The following NCBP1 variants were observed in gnomAD, a reference collection of about 807,000 sequenced individuals.
The protein encoded by NCBP1 is nuclear cap-binding protein subunit 1.
NCBP1 carries 16 observed loss-of-function variants against 111.7 expected under a neutral mutation model. That is an observed-to-expected ratio of 0.14 (90% confidence interval 0.10 to 0.22). The LOEUF (loss-of-function observed/expected upper bound fraction) is 0.22, where lower values mean the gene tolerates loss of function less well. Among genes scored for constraint, NCBP1 ranks in the 10% least tolerant of loss-of-function variants. The pLI is 1.00. For synonymous variants in NCBP1, 304 were observed against 314.3 expected (o/e 0.97, Z 0.35); for missense variants, 607 against 957.5 (o/e 0.63, Z 4.83).
chr9:97,670,990 C>G, intron 22 of NCBP1, 96 bp from the exon 23 acceptor site: 1 of 686,212 alleles, frequency 1.5e-6, no homozygotes. Context: ...CTCTTTTCAT[C>G]ATTCTGCAGC....
In NCBP1 at chr9:97,643,234, T is replaced by G; in HGVS notation, c.255T>G (p.Ile85Met). The change falls in exon 4 of 23, where the codon ATT (isoleucine) becomes ATG (methionine). Residue 85 changes from isoleucine to methionine, a missense_variant. Physicochemically the swap from Ile to Met is conservative, Grantham distance 10. Around this residue, in one of 9 missense-constraint regions of NCBP1, gnomAD observed 185 missense variants for 272.0 expected, o/e 0.68. Coordinates refer to ENST00000375147, the MANE Select transcript of NCBP1 (RefSeq NM_002486.5). Reference protein sequence around the residue: ...VARLLPEKLTIYTTLVGLLNA... With the variant: ...VARLLPEKLTMYTTLVGLLNA... ...GCCTATTACCTGAGAAGCTGACAAT[T>G]TATACAACATTAGTTGGACTACTGA... is the stretch of plus-strand genomic sequence containing the variant. 1 of 1,609,064 alleles carries G rather than the reference T, an allele frequency of 6.2e-7. No homozygotes were observed.
chr9:97,657,885 GCTCTCTCT>G (rs3052096), intron 14 of NCBP1, among the ~76,000 whole-genome samples: 1 of 114,016 alleles, frequency 8.8e-6, no homozygotes, highest in East Asian at 2.7e-4. Context: ...GCCCCGGTAA[GCTCTCTCT>G]CTCTCTCTCT....
Position 97,637,026 on chromosome 9 carries a change from G to T in NCBP1, c.34+3111G>T, listed in dbSNP as rs929129884. On this transcript the variant is annotated intron_variant, in intron 1 of 22. Transcript: ENST00000375147. ...GGCACAAAAGCCTGAAGACTATAGG[G>T]TTCCTGTCATGTTAACAGAAGAGCA... 3.3e-5 allele frequency among the ~76,000 whole-genome samples: 5 copies of T among 152,252 alleles called. 1 individual carries two copies. The East Asian group carries it at 9.6e-4, about 29-fold the overall frequency.
At chr9:97,645,006 C>A in intron 4 of NCBP1, 111 bp from the exon 5 acceptor site, 1 of 740,686 alleles carries the variant, frequency 1.4e-6, no homozygotes, top group African/African-American at 1.8e-5. Context: ...TAGATTCAGC[C>A]CTTAGGCTAT....
chr9:97,662,028 A>G lies in NCBP1; in HGVS notation c.1601-14A>G. The G allele has an allele frequency of 6.3e-7, 1 of 1,592,674 alleles. No individual in the cohort carries two copies. Among genetic ancestry groups the G allele is most frequent in the Non-Finnish European group, 8.6e-7 (1 of 1,161,254 alleles). The stretch of plus-strand genomic sequence containing the variant: ...TGCTTACATTTTTCTGTTTTACTAT[A>G]AAATATTTTTCAGATGAAGGATTCA... On this transcript the variant is annotated splice_polypyrimidine_tract_variant and intron_variant, in intron 16 of 22. Coordinates refer to ENST00000375147, the MANE Select transcript of NCBP1 (RefSeq NM_002486.5).
At chr9:97,647,662 G>A in intron 7 of NCBP1, 101 bp downstream of exon 7, 2 of 1,009,280 alleles carry the variant, frequency 2.0e-6, no homozygotes, top group Non-Finnish European at 3.0e-6. Flanking sequence ...CCCTTTGACT[G>A]TGTTTCTACA....
chr9:97,634,937 A>C (rs1364218765), intron 1 of NCBP1, among the ~76,000 whole-genome samples: 1 of 152,210 alleles, frequency 6.6e-6, no homozygotes, highest in Non-Finnish European at 1.5e-5. Context: ...GTTTTTGTGA[A>C]GGTTAAATGA....
intron 1 of NCBP1, among the ~76,000 whole-genome samples, chr9:97,636,288 C>T (rs1469812636): frequency 6.6e-6 from 1 of 151,600 alleles, no homozygotes; most frequent in African/African-American, 2.4e-5. Flanking sequence ...ATCTTAGAAG[C>T]TTAAGGATTA....
chr9:97,669,922 C>T, intron 22 of NCBP1: 1 of 581,990 alleles, frequency 1.7e-6, no homozygotes, highest in Non-Finnish European at 3.1e-6. Flanking sequence ...CCAACAACCC[C>T]CCGCCCCACC....
intron 13 of NCBP1, 104 bp from the exon 14 acceptor site, chr9:97,655,905 CTT>C (rs780688785): frequency 7.4e-7 from 1 of 1,349,818 alleles, no homozygotes; most frequent in Non-Finnish European, 1.0e-6. Flanking sequence ...GCAATTATAA[CTT>C]AACAAAACTT....
intron 5 of NCBP1, 111 bp downstream of exon 5, chr9:97,645,335 A>G: frequency 1.1e-6 from 1 of 888,132 alleles, no homozygotes; most frequent in Non-Finnish European, 1.8e-6. Flanking sequence ...AGCAATAAAG[A>G]AAAAAATAAC....
chr9:97,655,391 A>C (rs573686312), intron 12 of NCBP1, among the ~76,000 whole-genome samples: 1 of 149,808 alleles, frequency 6.7e-6, no homozygotes, highest in Admixed American at 6.7e-5. Flanking sequence ...ACAATTTCAT[A>C]AAATTTTTTT....
chr9:97,659,674 A>T (rs1482218624), intron 15 of NCBP1, among the ~76,000 whole-genome samples: 2 of 152,186 alleles, frequency 1.3e-5, no homozygotes, highest in African/African-American at 4.8e-5. Flanking sequence ...TGGCAGATCA[A>T]AGGTTTATGC....
intron 19 of NCBP1, 140 bp downstream of exon 19, chr9:97,664,583 G>A (rs749047064): frequency 5.9e-5 from 33 of 561,620 alleles, no homozygotes; most frequent in Non-Finnish European, 8.2e-5. Flanking sequence ...ATTGGACATG[G>A]CAAAAATTCC....
rs2131376687 is a variant in NCBP1, at chr9:97,673,617, A to T, written c.*2418A>T. On this transcript the variant is annotated 3_prime_UTR_variant, in exon 23 of 23. Transcript: ENST00000375147. ...AAGAAATAAAGGTGTAAGAGCAAAC[A>T]TTCAACAGTTGCTGTCCCCAGTAAT... 6.6e-6 allele frequency: 1 copy of T among 152,388 alleles called. No individual in the cohort carries two copies. Among genetic ancestry groups the T allele is most frequent in the Admixed American group, 6.5e-5 (1 of 15,310 alleles). The allele number at this position is 152,388 out of a possible 1,614,324, so 9.4% of individuals were successfully genotyped here.
At position 97,647,506 on chromosome 9, in the gene NCBP1, C is replaced by A; in HGVS notation, c.626C>A (p.Thr209Asn). ...TTTATCTTTAGAAGACGCCAAAAGA[C>A]TCATGTACCCATGTTACAGGTATGG... ...TESYLKRRQK[T>N]HVPMLQVWTA... The change falls in exon 7 of 23, where the codon ACT becomes AAT. Residue 209 changes from threonine (T) to asparagine (N), a missense_variant. Coordinates refer to ENST00000375147, the MANE Select transcript of NCBP1 (RefSeq NM_002486.5). The A allele has an allele frequency of 6.2e-7, 1 of 1,612,758 alleles. No homozygotes were observed. Among genetic ancestry groups the A allele is most frequent in the Non-Finnish European group, 8.5e-7 (1 of 1,179,112 alleles).
chr9:97,659,653 A>G lies in NCBP1; in HGVS notation c.1477+910A>G, dbSNP rs548101952. Among the ~76,000 whole-genome samples the G allele has an allele frequency of 6.6e-5, 10 of 152,326 alleles. No homozygotes were observed. In the South Asian group the frequency reaches 2.1e-3, roughly 32 times the overall value. The stretch of plus-strand genomic sequence containing the variant: ...TAACTGAGTGGCCATGCTGTTAGCC[A>G]CTGTGCTTTTTGGCAGATCAAAGGT... On this transcript the variant is annotated intron_variant, in intron 15 of 22. Coordinates refer to ENST00000375147, the MANE Select transcript of NCBP1 (RefSeq NM_002486.5).
intron 21 of NCBP1, among the ~76,000 whole-genome samples, chr9:97,669,215 T>C (rs539295485): frequency 1.2e-4 from 19 of 152,266 alleles, no homozygotes; most frequent in African/African-American, 4.6e-4. Context: ...TGAAAAAAAA[T>C]TGTGGGTTGC....
intron 14 of NCBP1, among the ~76,000 whole-genome samples, chr9:97,657,053 C>T (rs896125329): frequency 3.3e-5 from 5 of 152,194 alleles, no homozygotes; most frequent in African/African-American, 1.2e-4. Context: ...ACTGCAAGCG[C>T]CACCTCCGGG....
Sources: allele counts gnomAD v4.1 joint callset (sites outside exome capture counted in the v4.1 genomes callset), GRCh38; gene constraint gnomAD v4.1.1; regional missense constraint gnomAD v4.1.1; transcripts MANE v1.5; gene names NCBI Gene and HGNC (gene_info 2026-07-23, HGNC 2026-07-21).